Variants in RCSD1 observed in about 807,000 individuals in gnomAD.
RCSD1 encodes capZ-interacting protein.
Under a neutral mutation model 42.5 loss-of-function variants are expected in RCSD1, and 26 were observed. That is an observed-to-expected ratio of 0.61 (90% CI 0.45 to 0.85). The LOEUF (loss-of-function observed/expected upper bound fraction) is 0.85, where lower values mean the gene tolerates loss of function less well. Among genes scored for constraint, RCSD1 ranks in the 40% least tolerant of loss-of-function variants. The probability of loss-of-function intolerance (pLI) is 0.00; values close to 1 mark genes in which losing one functional copy is unlikely to be tolerated. For synonymous variants in RCSD1, 220 were observed against 212.2 expected (o/e 1.04, Z -0.32); for missense variants, 571 against 528.3 (o/e 1.08, Z -0.79).
At chr1:167,683,394 C>T (rs1217191291) in intron 1 of RCSD1, among the ~76,000 whole-genome samples, 3 of 152,220 alleles carry the variant, frequency 2.0e-5, no homozygotes, top group African/African-American at 7.2e-5. Context: ...GGCTCCCATC[C>T]ACTGTGCTAT....
intron 1 of RCSD1, among the ~76,000 whole-genome samples, chr1:167,647,317 A>G (rs1229381): frequency 0.81 from 123,278 of 151,782 alleles, 50,431 homozygotes; most frequent in African/African-American, 0.92. Context: ...GGCCAAGCAC[A>G]GTGGCTCACA....
chr1:167,670,605 C>T (rs977557348), intron 1 of RCSD1, among the ~76,000 whole-genome samples: 2 of 152,194 alleles, frequency 1.3e-5, no homozygotes, highest in Non-Finnish European at 2.9e-5. Flanking sequence ...TAATTTGAGC[C>T]AAGATTCACC....
At chr1:167,636,737 C>T (rs1220577813) in intron 1 of RCSD1, among the ~76,000 whole-genome samples, 1 of 152,174 alleles carries the variant, frequency 6.6e-6, no homozygotes, top group Non-Finnish European at 1.5e-5. Flanking sequence ...CAGGCATGCA[C>T]CACCACACTC....
chr1:167,634,995 T>G (rs964502645), intron 1 of RCSD1, among the ~76,000 whole-genome samples: 39 of 152,070 alleles, frequency 2.6e-4, no homozygotes, highest in Non-Finnish European at 7.4e-5. Flanking sequence ...TATAATGTGT[T>G]TGTTTTGTGA....
intron 1 of RCSD1, among the ~76,000 whole-genome samples, chr1:167,656,491 A>T (rs1658428937): frequency 6.6e-6 from 1 of 152,188 alleles, no homozygotes; most frequent in South Asian, 2.1e-4. Context: ...AATTGAGCAA[A>T]TTTTTAAAAT....
Position 167,689,962 on chromosome 1 carries a change from C to T in RCSD1, c.199-87C>T, listed in dbSNP as rs1571100298. On this transcript the variant is annotated intron_variant, in intron 3 of 6. Transcript: ENST00000367854. ...AAGTGGCAACACCAACTTCTCTTCT[C>T]CTTCTGCCTGTGGCTTTTGGGTTCC... The T allele has an allele frequency of 6.2e-6, 8 of 1,284,172 alleles. No homozygotes were observed. The East Asian group carries it at 1.9e-4, about 30-fold the overall frequency. The allele number at this position is 1,284,172 out of a possible 1,614,324, so 79.5% of individuals were successfully genotyped here.
intron 1 of RCSD1, among the ~76,000 whole-genome samples, chr1:167,678,893 T>C (rs532147841): frequency 1.8e-4 from 27 of 152,188 alleles, no homozygotes; most frequent in African/African-American, 6.5e-4. Flanking sequence ...TTTTCTCTTT[T>C]CCCCAACTGG....
In RCSD1 at chr1:167,637,318, G is replaced by T. The variant is rs561634064; in HGVS notation, c.6+6889G>T. Among the ~76,000 whole-genome samples the T allele has an allele frequency of 1.1e-3, 172 of 152,336 alleles. 3 individuals carry two copies. Among genetic ancestry groups the T allele is most frequent in the Middle Eastern group, 3.4e-3 (1 of 294 alleles). The stretch of plus-strand genomic sequence containing the variant: ...GGACTAGATGGGGAGTACAGGAAAT[G>T]TAAGTTGCAGTTCCTGCCCTAAAAG... On this transcript the variant is annotated intron_variant, in intron 1 of 6. Transcript: ENST00000367854.
chr1:167,660,414 T>C (rs1658514276), intron 1 of RCSD1, among the ~76,000 whole-genome samples: 2 of 152,012 alleles, frequency 1.3e-5, no homozygotes. Flanking sequence ...CTCCTTGGGC[T>C]GTGAATCATG....
At chr1:167,674,582 A>T (rs1244260197) in intron 1 of RCSD1, among the ~76,000 whole-genome samples, 1 of 152,236 alleles carries the variant, frequency 6.6e-6, no homozygotes, top group Non-Finnish European at 1.5e-5. Context: ...GAACATTTTC[A>T]TCACTGAAAA....
intron 1 of RCSD1, among the ~76,000 whole-genome samples, chr1:167,631,687 AT>A (rs1292826412): frequency 6.6e-6 from 1 of 152,096 alleles, no homozygotes. Flanking sequence ...TTCTCACTAT[AT>A]TACCCATGCT....
chr1:167,668,993 G>C (rs2102220072), intron 1 of RCSD1, among the ~76,000 whole-genome samples: 1 of 152,304 alleles, frequency 6.6e-6, no homozygotes, highest in African/African-American at 2.4e-5. Context: ...AAAAACTTAA[G>C]CTTGTGTTCT....
intron 6 of RCSD1, among the ~76,000 whole-genome samples, chr1:167,701,416 C>T (rs922854347): frequency 1.1e-4 from 16 of 151,964 alleles, no homozygotes; most frequent in Non-Finnish European, 2.2e-4. Flanking sequence ...AGTAATTCTC[C>T]TGCCTCAGCC....
chr1:167,667,115 A>C (rs1467809534), intron 1 of RCSD1, among the ~76,000 whole-genome samples: 1 of 151,822 alleles, frequency 6.6e-6, no homozygotes, highest in Admixed American at 6.6e-5. Flanking sequence ...ATTGTAGCTG[A>C]GTAGGCTTCA....
intron 1 of RCSD1, among the ~76,000 whole-genome samples, chr1:167,666,627 A>T (rs1315447813): frequency 1.3e-5 from 2 of 152,166 alleles, no homozygotes; most frequent in Non-Finnish European, 2.9e-5. Context: ...GGGAGGGGAC[A>T]GTAACTGTGA....
intron 1 of RCSD1, among the ~76,000 whole-genome samples, chr1:167,655,544 C>G (rs1050148623): frequency 1.3e-5 from 2 of 152,130 alleles, no homozygotes; most frequent in Non-Finnish European, 2.9e-5. Context: ...GTGTGCCATC[C>G]CAAACCCCCT....
At chr1:167,650,552 T>C (rs1658275794) in intron 1 of RCSD1, among the ~76,000 whole-genome samples, 2 of 152,138 alleles carry the variant, frequency 1.3e-5, no homozygotes, top group Non-Finnish European at 2.9e-5. Context: ...CCCAGAGGCC[T>C]ACCAGGAGGC....
In RCSD1 at chr1:167,678,316, A is replaced by C. The variant is rs116356177; in HGVS notation, c.7-5584A>C. Among the ~76,000 whole-genome samples, 444 of 152,190 alleles carry C rather than the reference A, an allele frequency of 2.9e-3. 2 individuals are homozygous for C. Among genetic ancestry groups the C allele is most frequent in the Non-Finnish European group, 5.0e-3 (339 of 68,016 alleles). On this transcript the variant is annotated intron_variant, in intron 1 of 6. Coordinates refer to ENST00000367854, the MANE Select transcript of RCSD1 (RefSeq NM_052862.4). ...ATTCAACCTCCTGCATTGCATCTCC[A>C]CTTAGACGTCTAATAGACATGTCAG...
At chr1:167,688,511 C>A (rs531961579) in intron 3 of RCSD1, among the ~76,000 whole-genome samples, 1 of 152,190 alleles carries the variant, frequency 6.6e-6, no homozygotes, top group South Asian at 2.1e-4. Flanking sequence ...GCAGAGGCAG[C>A]AGGAGTCCTT....
Sources: allele counts gnomAD v4.1 joint callset (sites outside exome capture counted in the v4.1 genomes callset), GRCh38; gene constraint gnomAD v4.1.1; transcripts MANE v1.5; gene names NCBI Gene and HGNC (gene_info 2026-07-23, HGNC 2026-07-21).